THSD7A: variants seen among roughly 807,000 people sequenced by gnomAD.
The protein encoded by THSD7A is thrombospondin type 1 domain containing 7A.
In THSD7A, 96 loss-of-function variants were observed where a neutral mutation model predicts 231.3. The ratio of observed to expected loss-of-function variants is 0.41; its 90% CI spans 0.35 to 0.49. The LOEUF (loss-of-function observed/expected upper bound fraction) is 0.49, where lower values mean the gene tolerates loss of function less well. Among genes scored for constraint, THSD7A ranks in the 20% least tolerant of loss-of-function variants. THSD7A has a pLI of 0.05. For missense variants in THSD7A, 2,290 were observed against 2,070.2 expected, an observed-to-expected ratio of 1.11 and a Z score of -2.06; for synonymous variants, 940 against 743.3, an observed-to-expected ratio of 1.26 and a Z score of -4.30.
intron 1 of THSD7A, among the ~76,000 whole-genome samples, chr7:11,734,612 CT>C (rs1446369957): frequency 2.0e-5 from 3 of 151,906 alleles, no homozygotes; most frequent in African/African-American, 7.2e-5. Flanking sequence ...TCTCAAACAC[CT>C]GTAGTATTCT....
At chr7:11,613,187 A>G (rs1424435793) in intron 2 of THSD7A, among the ~76,000 whole-genome samples, 2 of 152,200 alleles carry the variant, frequency 1.3e-5, no homozygotes, top group African/African-American at 4.8e-5. Flanking sequence ...TCTTGGACTT[A>G]TTACATTCAA....
In THSD7A at chr7:11,816,368, A is replaced by G. The variant is rs6948304; in HGVS notation, c.190+15389T>C. Among the ~76,000 whole-genome samples, 1,359 of 152,302 alleles carry G rather than the reference A, an allele frequency of 8.9e-3. 33 individuals are homozygous for G. Among genetic ancestry groups the G allele is most frequent in the African/African-American group, 0.031 (1,278 of 41,584 alleles). On this transcript the variant is annotated intron_variant, in intron 1 of 27. Coordinates refer to ENST00000423059, the MANE Select transcript of THSD7A (RefSeq NM_015204.3). ...TTTTATACAGATACATGTAATCCAC[A>G]TTATTCCATCTGGGTCTGTTACCAT...
At chr7:11,513,158 G>A (rs1210612324) in intron 6 of THSD7A, among the ~76,000 whole-genome samples, 1 of 151,130 alleles carries the variant, frequency 6.6e-6, no homozygotes, top group Non-Finnish European at 1.5e-5. Flanking sequence ...GGACTTGGGG[G>A]GAAGAGTGGG....
At chr7:11,498,956 G>C (rs1562659305) in intron 6 of THSD7A, among the ~76,000 whole-genome samples, 1 of 152,266 alleles carries the variant, frequency 6.6e-6, no homozygotes. Flanking sequence ...GGTCCTCCAA[G>C]CCTGGATCTT....
At chr7:11,543,679 A>C (rs1789248737) in intron 4 of THSD7A, among the ~76,000 whole-genome samples, 1 of 152,212 alleles carries the variant, frequency 6.6e-6, no homozygotes, top group African/African-American at 2.4e-5. Context: ...TATTTCCAAA[A>C]TGTCTAAATA....
At chr7:11,480,076 G>A (rs557852259) in intron 7 of THSD7A, among the ~76,000 whole-genome samples, 79 of 152,182 alleles carry the variant, frequency 5.2e-4, no homozygotes, top group African/African-American at 1.8e-3. Flanking sequence ...GAACTATATT[G>A]TTTTGAATTA....
intron 1 of THSD7A, among the ~76,000 whole-genome samples, chr7:11,773,003 T>C (rs1009667175): frequency 4.6e-5 from 7 of 152,176 alleles, no homozygotes; most frequent in African/African-American, 1.7e-4. Flanking sequence ...TTAACACTGA[T>C]AGTCATACAG....
At chr7:11,610,487 T>C (rs1254805566) in intron 2 of THSD7A, among the ~76,000 whole-genome samples, 3 of 152,130 alleles carry the variant, frequency 2.0e-5, no homozygotes, top group Non-Finnish European at 2.9e-5. Flanking sequence ...GTTGATGAGA[T>C]AGAGTTCCTG....
intron 1 of THSD7A, among the ~76,000 whole-genome samples, chr7:11,793,366 C>G (rs929040549): frequency 6.6e-6 from 1 of 151,720 alleles, no homozygotes; most frequent in African/African-American, 2.4e-5. Context: ...CATACAGGAA[C>G]TAGAGAGTGA....
rs144771120 is a variant in THSD7A at position 11,673,215 on chromosome 7, A to T, written c.191-36254T>A. Among the ~76,000 whole-genome samples the T allele has an allele frequency of 2.0e-5, 3 of 152,212 alleles. No homozygotes were observed. In the East Asian group the frequency reaches 5.8e-4, roughly 30 times the overall value. On this transcript the variant is annotated intron_variant, in intron 1 of 27. Transcript: ENST00000423059. ...GATTGGACGTAAGGAAGAGGTGAGTAAAAGAACTCCAGAACACCATATTGC... is the reference window on the plus strand; with the variant it reads ...GATTGGACGTAAGGAAGAGGTGAGTTAAAGAACTCCAGAACACCATATTGC...
rs567216905 is a variant in THSD7A, at chr7:11,649,700, G to C, written c.191-12739C>G. 5.3e-5 allele frequency among the ~76,000 whole-genome samples: 8 copies of C among 152,112 alleles called. No individual in the cohort carries two copies. The South Asian group carries it at 1.7e-3, about 32-fold the overall frequency. ...GGAAACTTGAGGAATGGGGACTTTT[G>C]TTATAACACAGCAGGAAGTTGAGCA... is the stretch of plus-strand genomic sequence containing the variant. On this transcript the variant is annotated intron_variant, in intron 1 of 27. Coordinates refer to ENST00000423059, the MANE Select transcript of THSD7A (RefSeq NM_015204.3).
intron 14 of THSD7A, among the ~76,000 whole-genome samples, chr7:11,428,696 G>C (rs1784393158): frequency 6.6e-6 from 1 of 152,016 alleles, no homozygotes; most frequent in Non-Finnish European, 1.5e-5. Flanking sequence ...TTCAAAGATA[G>C]GTGTCATTTT....
At chr7:11,823,767 A>G (rs764605743) in intron 1 of THSD7A, among the ~76,000 whole-genome samples, 1 of 151,970 alleles carries the variant, frequency 6.6e-6, no homozygotes, top group Non-Finnish European at 1.5e-5. Context: ...CATTATTGGT[A>G]TATATGAATG....
intron 1 of THSD7A, among the ~76,000 whole-genome samples, chr7:11,722,308 G>A (rs1396860146): frequency 2.0e-5 from 3 of 151,912 alleles, no homozygotes; most frequent in African/African-American, 7.2e-5. Context: ...GGTGAATACT[G>A]CTAAGATGTA....
intron 1 of THSD7A, among the ~76,000 whole-genome samples, chr7:11,686,170 A>G (rs938742111): frequency 1.3e-5 from 2 of 151,868 alleles, no homozygotes; most frequent in East Asian, 3.9e-4. Flanking sequence ...AACAATAGAC[A>G]CTGGGGATTC....
chr7:11,413,603 A>G (rs1488813352), intron 17 of THSD7A, among the ~76,000 whole-genome samples: 1 of 152,148 alleles, frequency 6.6e-6, no homozygotes, highest in Non-Finnish European at 1.5e-5. Context: ...TTCAAGAAAC[A>G]TTTACTTTAT....
chr7:11,570,455 A>T (rs973668728), intron 4 of THSD7A, among the ~76,000 whole-genome samples: 5 of 152,212 alleles, frequency 3.3e-5, no homozygotes, highest in Non-Finnish European at 7.3e-5. Flanking sequence ...TTAATAATTG[A>T]TGGTATATTT....
Position 11,636,466 on chromosome 7 carries a change from C to T in THSD7A, c.686G>A (p.Gly229Asp). 1 of 1,613,668 alleles carries T rather than the reference C, an allele frequency of 6.2e-7. No homozygotes were observed. Among genetic ancestry groups the T allele is most frequent in the Non-Finnish European group, 8.5e-7 (1 of 1,179,790 alleles). ...RHVVAPPQFG[G>D]SGCPNLTEFQ... ...CTCCGTCAGGTTTGGACAGCCAGAG[C>T]CTCCGAACTGCGGGGGCGCCACCAC... Residue 229 changes from glycine (G) to aspartate (D), a missense_variant, in exon 2 of 28, where the codon GGC becomes GAC. Physicochemically the swap from Gly to Asp is moderately conservative, Grantham distance 94. Transcript: ENST00000423059. The surrounding 1 kb of genome is among the most constrained non-coding windows in gnomAD (Gnocchi z 10.0).
At chr7:11,762,197 G>C (rs1007541064) in intron 1 of THSD7A, among the ~76,000 whole-genome samples, 4 of 152,070 alleles carry the variant, frequency 2.6e-5, no homozygotes. Flanking sequence ...ATAGTGCTGT[G>C]ATAAACATAC....
Sources: gnomAD v4.1 joint callset for allele counts (sites outside exome capture counted in the v4.1 genomes callset) on GRCh38, gnomAD v4.1.1 for gene constraint, Gnocchi (gnomAD v3.1) non-coding constraint, MANE v1.5 for transcripts, NCBI Gene and HGNC (gene_info 2026-07-23, HGNC 2026-07-21) for gene names.